Variants in VRK2 observed in about 807,000 individuals in gnomAD.
VRK2 encodes serine/threonine-protein kinase VRK2.
In VRK2, 60 loss-of-function variants were observed where a neutral mutation model predicts 57.6. The observed-to-expected ratio is 1.04, with a 90% CI of 0.85 to 1.29. The LOEUF is 1.29. VRK2 is among the 50% of genes most tolerant of loss of function. The pLI, the probability that VRK2 is intolerant of heterozygous loss-of-function variation, is 0.00. For synonymous variants in VRK2, 231 were observed against 199.2 expected (o/e 1.16, Z -1.35); for missense variants, 705 against 588.1 (o/e 1.20, Z -2.06).
chr2:58,041,987 TTC>T (rs1250558112), upstream of VRK2, among the ~76,000 whole-genome samples: 1 of 152,110 alleles, frequency 6.6e-6, no homozygotes, highest in Non-Finnish European at 1.5e-5. Context: ...GATTGACGTC[TTC>T]TGTCTCCCTA....
At chr2:57,932,465 G>A (rs1043189406) in intron 1 of VRK2, among the ~76,000 whole-genome samples, 1 of 151,888 alleles carries the variant, frequency 6.6e-6, no homozygotes, top group African/African-American at 2.4e-5. Flanking sequence ...CTTATTCTAG[G>A]TTATCCAATT....
intron 2 of VRK2, among the ~76,000 whole-genome samples, chr2:58,027,699 A>G (rs1451473888): frequency 6.6e-6 from 1 of 152,182 alleles, no homozygotes; most frequent in African/African-American, 2.4e-5. Flanking sequence ...AGATAGAAAT[A>G]ATGACATAAC....
intron 1 of VRK2, among the ~76,000 whole-genome samples, chr2:57,946,089 T>G (rs1467175852): frequency 6.6e-6 from 1 of 152,082 alleles, no homozygotes; most frequent in Non-Finnish European, 1.5e-5. Flanking sequence ...TTTGCATTAG[T>G]AGGAGAGGAA....
intron 3 of VRK2, among the ~76,000 whole-genome samples, chr2:58,041,512 C>A (rs1310239566): frequency 6.6e-6 from 1 of 152,054 alleles, no homozygotes; most frequent in Non-Finnish European, 1.5e-5. Context: ...ACGAGACAGA[C>A]TTTTTGTAGC....
rs141413357 is a variant in VRK2 at position 58,077,135 on chromosome 2, A to G, written c.137-6954A>G. ...TAACTCCCTTTGGGAAAATTCTTCAATCTTTTTTTGTCTTTTATGAGCTTA... is the reference window on the plus strand; with the variant it reads ...TAACTCCCTTTGGGAAAATTCTTCAGTCTTTTTTTGTCTTTTATGAGCTTA... On this transcript the variant is annotated intron_variant, in intron 2 of 12. Transcript: ENST00000340157. Among the ~76,000 whole-genome samples, 991 of 152,026 alleles carry G rather than the reference A, an allele frequency of 6.5e-3. 12 individuals are homozygous for G. Among genetic ancestry groups the G allele is most frequent in the African/African-American group, 0.022 (932 of 41,528 alleles).
chr2:58,130,777 C>T (rs374189620), intron 8 of VRK2, among the ~76,000 whole-genome samples: 1 of 151,934 alleles, frequency 6.6e-6, no homozygotes, highest in Admixed American at 6.6e-5. Flanking sequence ...GATGAACATT[C>T]GAGTAATGAC....
chr2:58,047,021 A>G, intron 1 of VRK2, 153 bp downstream of exon 1: 4 of 963,010 alleles, frequency 4.2e-6, no homozygotes, highest in Non-Finnish European at 4.9e-6. Flanking sequence ...CGGCCCGGGC[A>G]GAGTCGCTGC....
chr2:57,984,185 A>C (rs1161961676), intron 1 of VRK2, among the ~76,000 whole-genome samples: 4 of 152,242 alleles, frequency 2.6e-5, no homozygotes, highest in African/African-American at 7.2e-5. Context: ...TTTAATTTTT[A>C]GAGCCTTATA....
intron 1 of VRK2, among the ~76,000 whole-genome samples, chr2:57,981,198 C>A (rs1672412990): frequency 6.6e-6 from 1 of 152,164 alleles, no homozygotes; most frequent in African/African-American, 2.4e-5. Context: ...ATGTTTAGCA[C>A]TCCCTTAAGG....
chr2:58,014,722 A>G (rs962260470), intron 1 of VRK2, among the ~76,000 whole-genome samples: 2 of 152,340 alleles, frequency 1.3e-5, no homozygotes, highest in Middle Eastern at 3.4e-3. Context: ...AAAAATTTAT[A>G]GCCTAGTATG....
At chr2:57,947,448 C>G (rs1671296413) in intron 1 of VRK2, among the ~76,000 whole-genome samples, 1 of 152,158 alleles carries the variant, frequency 6.6e-6, no homozygotes, top group Non-Finnish European at 1.5e-5. Context: ...ATCTTAACCT[C>G]ACAAACTTAT....
At chr2:58,038,465 C>T (rs965495947) in intron 3 of VRK2, among the ~76,000 whole-genome samples, 1 of 152,108 alleles carries the variant, frequency 6.6e-6, no homozygotes, top group Non-Finnish European at 1.5e-5. Flanking sequence ...TTCTGCCTTA[C>T]AGTGGTGTAT....
upstream of VRK2, among the ~76,000 whole-genome samples, chr2:58,045,162 G>C (rs570684066): frequency 6.6e-6 from 1 of 152,302 alleles, no homozygotes; most frequent in South Asian, 2.1e-4. Context: ...TGCTTGCTGT[G>C]AACAGACTAA....
At chr2:58,129,579 C>G (rs1451943840) in intron 8 of VRK2, among the ~76,000 whole-genome samples, 2 of 152,122 alleles carry the variant, frequency 1.3e-5, no homozygotes, top group African/African-American at 2.4e-5. Flanking sequence ...TTTGTGTAAA[C>G]TATACATGCA....
At chr2:57,989,595 C>A (rs1279404294) in intron 1 of VRK2, among the ~76,000 whole-genome samples, 3 of 152,078 alleles carry the variant, frequency 2.0e-5, no homozygotes, top group Non-Finnish European at 4.4e-5. Flanking sequence ...ATCCACTAGG[C>A]AGATTCAAGA....
At chr2:57,946,626 T>C (rs914110905) in intron 1 of VRK2, among the ~76,000 whole-genome samples, 1 of 152,194 alleles carries the variant, frequency 6.6e-6, no homozygotes, top group Non-Finnish European at 1.5e-5. Flanking sequence ...TGGTATTTCA[T>C]AGGTCATATT....
chr2:58,113,308 G>A (rs1489186934), intron 7 of VRK2, among the ~76,000 whole-genome samples: 3 of 135,202 alleles, frequency 2.2e-5, no homozygotes, highest in South Asian at 2.3e-4. Flanking sequence ...GCGAAACTCC[G>A]TCTCAAAAAA....
intron 2 of VRK2, among the ~76,000 whole-genome samples, chr2:58,076,561 T>C (rs919746938): frequency 6.6e-5 from 10 of 152,068 alleles, no homozygotes; most frequent in African/African-American, 1.9e-4. Context: ...TACATTTTTT[T>C]GAAATACTGA....
chr2:58,138,315 G>C (rs1314622384), intron 10 of VRK2, among the ~76,000 whole-genome samples: 1 of 152,122 alleles, frequency 6.6e-6, no homozygotes, highest in African/African-American at 2.4e-5. Context: ...TAAATATGGT[G>C]ATAAAATAGC....
Sources: gnomAD v4.1 joint callset for allele counts (sites outside exome capture counted in the v4.1 genomes callset) on GRCh38, gnomAD v4.1.1 for gene constraint, MANE v1.5 for transcripts, NCBI Gene and HGNC (gene_info 2026-07-23, HGNC 2026-07-21) for gene names.